Variants in GSTCD observed in about 807,000 individuals in gnomAD.
GSTCD encodes glutathione S-transferase C-terminal domain containing.
GSTCD carries 44 observed loss-of-function variants against 68.3 expected under a neutral mutation model. The ratio of observed to expected loss-of-function variants is 0.64; its 90% CI spans 0.51 to 0.83. The LOEUF is 0.83. Ranked by LOEUF, GSTCD falls within the 40% of genes least tolerant of loss-of-function variation. GSTCD has a pLI of 0.00. For missense variants in GSTCD, 739 were observed against 735.9 expected, an observed-to-expected ratio of 1.00 and a Z score of -0.05; for synonymous variants, 273 against 255.2, an observed-to-expected ratio of 1.07 and a Z score of -0.67.
At chr4:105,729,750 T>G (rs1438528416) in intron 5 of GSTCD, among the ~76,000 whole-genome samples, 1 of 152,252 alleles carries the variant, frequency 6.6e-6, no homozygotes, top group Non-Finnish European at 1.5e-5. Flanking sequence ...ATTTTTGTTT[T>G]GTTTTAATTT....
Position 105,768,053 on chromosome 4 carries a change from T to C in GSTCD, c.1240+38554T>C, listed in dbSNP as rs375038871. 6.6e-5 allele frequency among the ~76,000 whole-genome samples: 10 copies of C among 151,780 alleles called. No individual in the cohort carries two copies. The East Asian group carries it at 1.9e-3, about 29-fold the overall frequency. On this transcript the variant is annotated intron_variant, in intron 5 of 11. Transcript: ENST00000515279. ...TAAAAAAAAAATTTTTTTTTTTTTT[T>C]GAGACGGAGTCTCTCCCTGTCTCCC...
chr4:105,723,169 G>T (rs1303092427), intron 3 of GSTCD, among the ~76,000 whole-genome samples: 1 of 151,936 alleles, frequency 6.6e-6, no homozygotes, highest in African/African-American at 2.4e-5. Flanking sequence ...AAAATTTCTT[G>T]TGTGATTATC....
rs1309987300 is a variant in GSTCD, at chr4:105,847,237, A to G, written c.*1660A>G. The G allele has an allele frequency of 2.0e-5, 3 of 151,736 alleles. No homozygotes were observed. The South Asian group carries it at 6.3e-4, about 32-fold the overall frequency. The allele number at this position is 151,736 out of a possible 1,614,324, so 9.4% of individuals were successfully genotyped here. A position where few individuals can be genotyped will look rare whatever the true frequency, so the allele number is the denominator to read the frequency against. On this transcript the variant is annotated 3_prime_UTR_variant, in exon 12 of 12. Coordinates refer to ENST00000515279, the MANE Select transcript of GSTCD (RefSeq NM_001370181.1). ...CCCCTGTGTAACATGTATCATGAGG[A>G]GAAAGCACTATCATTGATCATCACT... is the stretch of plus-strand genomic sequence containing the variant.
intron 5 of GSTCD, among the ~76,000 whole-genome samples, chr4:105,742,349 C>T (rs1733656811): frequency 6.6e-6 from 1 of 152,122 alleles, no homozygotes; most frequent in African/African-American, 2.4e-5. Context: ...TATTCTTCTT[C>T]CCACTCCCCT....
chr4:105,726,880 C>A, intron 4 of GSTCD, 50 bp downstream of exon 4: 1 of 1,406,074 alleles, frequency 7.1e-7, no homozygotes, highest in Non-Finnish European at 9.7e-7. Context: ...GATAATATTG[C>A]TGAGCATTCT....
chr4:105,841,193 G>A (rs772732365), intron 10 of GSTCD, among the ~76,000 whole-genome samples: 3 of 151,718 alleles, frequency 2.0e-5, no homozygotes, highest in Admixed American at 6.6e-5. Context: ...GCATGGTGGC[G>A]TGCGCCTGTA....
At position 105,840,201 on chromosome 4, in the gene GSTCD, G is replaced by A. The variant is rs559705317; in HGVS notation, c.1696-1864G>A. 558 of 455,740 alleles carry A rather than the reference G, an allele frequency of 1.2e-3. 1 individual carries two copies. Among genetic ancestry groups the A allele is most frequent in the Non-Finnish European group, 2.1e-3 (484 of 226,738 alleles). 28.2% of individuals were successfully genotyped at this position (455,740 alleles called of 1,614,324 possible). On this transcript the variant is annotated intron_variant, in intron 10 of 11. Coordinates refer to ENST00000515279, the MANE Select transcript of GSTCD (RefSeq NM_001370181.1). The stretch of plus-strand genomic sequence containing the variant: ...AGAACTGAATCTTACCTGAGATTGC[G>A]ATTGCCTTGACATTACCATTATATA...
At chr4:105,722,183 C>A (rs187815769) in intron 3 of GSTCD, among the ~76,000 whole-genome samples, 1 of 152,246 alleles carries the variant, frequency 6.6e-6, no homozygotes, top group African/African-American at 2.4e-5. Flanking sequence ...CACATACACA[C>A]ACACACACAG....
intron 5 of GSTCD, among the ~76,000 whole-genome samples, chr4:105,758,466 C>G (rs1332287427): frequency 6.6e-6 from 1 of 152,144 alleles, no homozygotes; most frequent in East Asian, 1.9e-4. Context: ...TAGCACCTCT[C>G]CCGTCACTCG....
rs763899318 is a variant in GSTCD, at chr4:105,822,971, C to A, written c.1258C>A (p.Arg420=). Residue 420 remains arginine (R), a synonymous_variant, in exon 6 of 12, where the codon CGA becomes AGA. Coordinates refer to ENST00000515279, the MANE Select transcript of GSTCD (RefSeq NM_001370181.1). ...SPKEGKMSSD[R]ALRKQQQLNN... is the part of the protein sequence containing the mutation. ...TTTCTCAGGTAAAATGTCCAGTGAT[C>A]GAGCTTTGAGGAAGCAGCAACAGTT... The A allele has an allele frequency of 2.5e-6, 4 of 1,612,648 alleles. No homozygotes were observed. Among genetic ancestry groups the A allele is most frequent in the East Asian group, 4.5e-5 (2 of 44,862 alleles).
At chr4:105,794,226 A>G (rs1488085709) in intron 5 of GSTCD, among the ~76,000 whole-genome samples, 1 of 152,066 alleles carries the variant, frequency 6.6e-6, no homozygotes, top group Non-Finnish European at 1.5e-5. Context: ...GGAGACAGTG[A>G]AAAGATCAGT....
intron 5 of GSTCD, among the ~76,000 whole-genome samples, chr4:105,795,635 C>T (rs1735855164): frequency 6.6e-6 from 1 of 152,062 alleles, no homozygotes. Flanking sequence ...CTGTAATCCA[C>T]CTGGCAACAA....
intron 5 of GSTCD, among the ~76,000 whole-genome samples, chr4:105,742,386 T>C (rs1234925275): frequency 6.6e-6 from 1 of 152,220 alleles, no homozygotes; most frequent in African/African-American, 2.4e-5. Context: ...ACTTGTCTTT[T>C]AAGGATCAAT....
intron 5 of GSTCD, among the ~76,000 whole-genome samples, chr4:105,748,762 T>C (rs1204456352): frequency 1.3e-5 from 2 of 151,058 alleles, no homozygotes; most frequent in Admixed American, 6.6e-5. Context: ...ATATGAGTGA[T>C]ATATAGAGCA....
intron 5 of GSTCD, among the ~76,000 whole-genome samples, chr4:105,810,883 C>T (rs1477299670): frequency 1.3e-5 from 2 of 151,996 alleles, no homozygotes; most frequent in Non-Finnish European, 2.9e-5. Context: ...CTGGGAAATA[C>T]AGTTGTCCTG....
rs1724528258 is a variant in GSTCD at position 105,845,860 on chromosome 4, A to T, written c.*283A>T. On this transcript the variant is annotated 3_prime_UTR_variant, in exon 12 of 12. Transcript: ENST00000515279. ...CTAGTGGAGGTTCCATCACAGGAAT[A>T]ACAATTTCCTTCTCACTTCACAAGC... The T allele has an allele frequency of 2.9e-6, 1 of 344,764 alleles. No individual in the cohort carries two copies. The highest frequency in any genetic ancestry group is 5.4e-6 in the Non-Finnish European group (1 of 184,388). 21.4% of individuals were successfully genotyped at this position (344,764 alleles called of 1,614,324 possible).
chr4:105,711,160 G>A (rs1231715921), intron 1 of GSTCD: 2 of 152,086 alleles, frequency 1.3e-5, no homozygotes, highest in Non-Finnish European at 2.9e-5. Flanking sequence ...GTTGTTTTAT[G>A]AAAAGCATAA....
At position 105,717,995 on chromosome 4, in the gene GSTCD, G is replaced by A; in HGVS notation, c.382G>A (p.Glu128Lys). ...EADPLKKELL[E>K]LLGFKKTCLK... ...AGACCCCTTAAAGAAGGAACTTTTG[G>A]AACTTCTGGGCTTTAAAAAGACTTG... is the stretch of plus-strand genomic sequence containing the variant. Residue 128 changes from glutamate to lysine, a missense_variant, in exon 2 of 12, where the codon GAA (glutamate) becomes AAA (lysine). Glu to Lys is a moderately conservative substitution (Grantham distance 56). Transcript: ENST00000515279. The A allele has an allele frequency of 1.9e-6, 3 of 1,612,552 alleles. No homozygotes were observed. The highest frequency in any genetic ancestry group is 2.5e-6 in the Non-Finnish European group (3 of 1,179,474).
rs761239559 is a variant in GSTCD at position 105,729,403 on chromosome 4, T to C, written c.1147-3T>C. On this transcript the variant is annotated splice_polypyrimidine_tract_variant and splice_region_variant and intron_variant, in intron 4 of 11. Coordinates refer to ENST00000515279, the MANE Select transcript of GSTCD (RefSeq NM_001370181.1). ...TTTAGAAAGAGGCTATTTCCTTTTC[T>C]AGGAAAAGGGCATTGAAGTGATGTT... 7.6e-6 allele frequency: 12 copies of C among 1,581,478 alleles called. No homozygotes were observed. The highest frequency in any genetic ancestry group is 4.6e-5 in the South Asian group (4 of 87,450).
Sources: allele counts gnomAD v4.1 joint callset (sites outside exome capture counted in the v4.1 genomes callset), GRCh38; gene constraint gnomAD v4.1.1; transcripts MANE v1.5; gene names NCBI Gene and HGNC (gene_info 2026-07-23, HGNC 2026-07-21).